Variants in SLCO3A1 observed in about 807,000 individuals in gnomAD.
The protein encoded by SLCO3A1 is solute carrier organic anion transporter family member 3A1, also known as PGE1 transporter.
SLCO3A1 carries 27 observed loss-of-function variants against 63.1 expected under a neutral mutation model. That is an observed-to-expected ratio of 0.43 (90% CI 0.32 to 0.59). The LOEUF is 0.59. Among genes scored for constraint, SLCO3A1 ranks in the 20% least tolerant of loss-of-function variants. SLCO3A1 has a pLI of 0.09. For synonymous variants in SLCO3A1, 473 were observed against 409.9 expected (o/e 1.15, Z -1.86); for missense variants, 773 against 945.8 (o/e 0.82, Z 2.40).
At chr15:92,156,519 G>C (rs2151599109) in intron 9 of SLCO3A1, among the ~76,000 whole-genome samples, 1 of 152,248 alleles carries the variant, frequency 6.6e-6, no homozygotes, top group African/African-American at 2.4e-5. Flanking sequence ...AAGCTCTCTG[G>C]GCCTTACCAA....
chr15:91,950,775 A>G lies in SLCO3A1; in HGVS notation c.646+34317A>G, dbSNP rs1296081090. On this transcript the variant is annotated intron_variant, in intron 2 of 9. Coordinates refer to ENST00000318445, the MANE Select transcript of SLCO3A1 (RefSeq NM_013272.4). The surrounding 1 kb of genome is among the most constrained non-coding windows in gnomAD (Gnocchi z 4.4). ...GATGTGTTGTTGAAAGTCTTTGGCAATGCTTAATTTTATGGTATGTGCAAT... is the reference window on the plus strand; with the variant it reads ...GATGTGTTGTTGAAAGTCTTTGGCAGTGCTTAATTTTATGGTATGTGCAAT... Among the ~76,000 whole-genome samples, 1 of 152,192 alleles carries G rather than the reference A, an allele frequency of 6.6e-6. No individual in the cohort carries two copies. Among genetic ancestry groups the G allele is most frequent in the African/African-American group, 2.4e-5 (1 of 41,448 alleles).
intron 2 of SLCO3A1, among the ~76,000 whole-genome samples, chr15:92,065,148 T>C (rs1382098887): frequency 6.6e-6 from 1 of 152,190 alleles, no homozygotes; most frequent in Non-Finnish European, 1.5e-5. Flanking sequence ...AGTGGCACGA[T>C]CTCAGCTCAC....
At chr15:91,961,706 C>T (rs1350632988) in intron 2 of SLCO3A1, among the ~76,000 whole-genome samples, 1 of 152,230 alleles carries the variant, frequency 6.6e-6, no homozygotes, top group African/African-American at 2.4e-5. Flanking sequence ...ACTCATCTGC[C>T]ACCTTTACTC....
chr15:92,126,188 C>G lies in SLCO3A1; in HGVS notation c.1302C>G (p.Cys434Trp). The part of the protein sequence containing the change: ...AMLVNLVSTA[C>W]YVSFLFLGCD... ...TCGTCAACCTGGTGTCCACTGCTTG[C>G]TACGTCTCCTTCCTCTTCCTGGGCT... is the stretch of plus-strand genomic sequence containing the variant. Residue 434 changes from cysteine to tryptophan, a missense_variant, in exon 6 of 10, where the codon TGC becomes TGG. By Grantham distance (215) the Cys-to-Trp change is radical. Around this residue, in one of 3 missense-constraint regions of SLCO3A1, gnomAD observed 565 missense variants for 749.8 expected, o/e 0.75. Coordinates refer to ENST00000318445, the MANE Select transcript of SLCO3A1 (RefSeq NM_013272.4). The G allele has an allele frequency of 6.2e-7, 1 of 1,614,024 alleles. No individual in the cohort carries two copies. The highest frequency in any genetic ancestry group is 8.5e-7 in the Non-Finnish European group (1 of 1,179,978).
rs368917821 is a variant in SLCO3A1, at chr15:92,159,775, T to C, written c.1754-2981T>C. ...ATAGGCAAGATATAATTGGCATATT[T>C]ATCACATAGCAGTATGCCCTACTTA... On this transcript the variant is annotated intron_variant, in intron 9 of 9. Coordinates refer to ENST00000318445, the MANE Select transcript of SLCO3A1 (RefSeq NM_013272.4). Among the ~76,000 whole-genome samples the C allele has an allele frequency of 6.6e-5, 10 of 152,240 alleles. No homozygotes were observed. In the East Asian group the frequency reaches 1.9e-3, roughly 30 times the overall value.
In SLCO3A1 at chr15:92,074,315, C is replaced by G. The variant is rs549813311; in HGVS notation, c.647-20566C>G. 2.0e-5 allele frequency among the ~76,000 whole-genome samples: 3 copies of G among 152,348 alleles called. No individual in the cohort carries two copies. In the South Asian group the frequency reaches 6.2e-4, roughly 32 times the overall value. ...GGAAGTCTGAGCCATTCAGTTAACA[C>G]CAACCCGAAAGATGCAGTCAGAGGC... On this transcript the variant is annotated intron_variant, in intron 2 of 9. Coordinates refer to ENST00000318445, the MANE Select transcript of SLCO3A1 (RefSeq NM_013272.4).
chr15:91,881,263 T>C (rs945548655), intron 1 of SLCO3A1, among the ~76,000 whole-genome samples: 1 of 151,322 alleles, frequency 6.6e-6, no homozygotes, highest in East Asian at 1.9e-4. Flanking sequence ...TACTGATTGA[T>C]TTTCATTTCG....
At chr15:92,086,173 A>T (rs1468173967) in intron 2 of SLCO3A1, among the ~76,000 whole-genome samples, 1 of 152,174 alleles carries the variant, frequency 6.6e-6, no homozygotes, top group Non-Finnish European at 1.5e-5. Flanking sequence ...ATTGTGCATC[A>T]TTGGATTAGT....
chr15:91,957,066 T>TTA (rs1326875257), intron 2 of SLCO3A1, among the ~76,000 whole-genome samples: 2 of 4,484 alleles, frequency 4.5e-4, no homozygotes, highest in Non-Finnish European at 8.4e-4. Context: ...ATACTATATA[T>TTA]TATATATATA....
intron 2 of SLCO3A1, among the ~76,000 whole-genome samples, chr15:92,076,195 G>A (rs945774683): frequency 5.3e-5 from 8 of 152,128 alleles, no homozygotes; most frequent in Non-Finnish European, 7.4e-5. Flanking sequence ...GTTTTCCACC[G>A]TTCGTCAAAC....
intron 1 of SLCO3A1, among the ~76,000 whole-genome samples, chr15:91,864,490 C>CTTT (rs56982912): frequency 7.5e-6 from 1 of 133,726 alleles, no homozygotes; most frequent in East Asian, 2.2e-4. Flanking sequence ...AAATGTTCCT[C>CTTT]TTTTTTTTTT....
In SLCO3A1 at chr15:92,128,837, G is replaced by A. The variant is rs1229605296; in HGVS notation, c.1512+348G>A. Among the ~76,000 whole-genome samples the A allele has an allele frequency of 2.6e-5, 4 of 152,232 alleles. No individual in the cohort carries two copies. The East Asian group carries it at 7.7e-4, about 29-fold the overall frequency. On this transcript the variant is annotated intron_variant, in intron 7 of 9. Transcript: ENST00000318445. ...CCATCACCAGAAGTATGTCAAGAGA[G>A]GCTTAAAAACCATTTATCAGGAAAG...
chr15:92,162,585 A>G, intron 9 of SLCO3A1, 171 bp from the exon 10 acceptor site: 2 of 1,088,196 alleles, frequency 1.8e-6, no homozygotes, highest in South Asian at 3.5e-5. Flanking sequence ...ACCATAATAA[A>G]AAGGCAGAAC....
exon 11 of SLCO3A1, chr15:92,171,890 G>A (rs1244848891): frequency 1.1e-5 from 16 of 1,523,144 alleles, no homozygotes; most frequent in African/African-American, 4.1e-5. Context: ...TCTTCCTGGA[G>A]AGAACAGCCC....
At chr15:92,099,599 A>C (rs2047580013) in intron 3 of SLCO3A1, among the ~76,000 whole-genome samples, 1 of 151,864 alleles carries the variant, frequency 6.6e-6, no homozygotes, top group South Asian at 2.1e-4. Context: ...ATTTCCAGTG[A>C]CTTTTCATTT....
chr15:91,995,969 A>G (rs1258865682), intron 2 of SLCO3A1, among the ~76,000 whole-genome samples: 3 of 152,166 alleles, frequency 2.0e-5, no homozygotes, highest in Non-Finnish European at 4.4e-5. Context: ...TATAATAGGA[A>G]TGATTTAAGG....
rs578022307 is a variant in SLCO3A1, at chr15:91,920,951, A to T, written c.646+4493A>T. ...CTACCATACTTCCTTCTTAAGAGGGATGCCAAGGGCTGGGGAGCTCATTAC... is the reference window on the plus strand; with the variant it reads ...CTACCATACTTCCTTCTTAAGAGGGTTGCCAAGGGCTGGGGAGCTCATTAC... On this transcript the variant is annotated intron_variant, in intron 2 of 9. Transcript: ENST00000318445. Among the ~76,000 whole-genome samples, 4 of 152,156 alleles carry T rather than the reference A, an allele frequency of 2.6e-5. No individual in the cohort carries two copies. The East Asian group carries it at 5.8e-4, about 22-fold the overall frequency.
At chr15:92,017,565 G>C (rs546426909) in intron 2 of SLCO3A1, among the ~76,000 whole-genome samples, 37 of 152,248 alleles carry the variant, frequency 2.4e-4, no homozygotes, top group Admixed American at 7.9e-4. Context: ...CAGAGGACTG[G>C]AGCAGGGTTG....
chr15:92,017,854 A>C (rs2046456857), intron 2 of SLCO3A1, among the ~76,000 whole-genome samples: 1 of 152,152 alleles, frequency 6.6e-6, no homozygotes, highest in East Asian at 1.9e-4. Flanking sequence ...GCTTGGAGAC[A>C]TAGGCAGAGG....
Sources: gnomAD v4.1 joint callset for allele counts (sites outside exome capture counted in the v4.1 genomes callset) on GRCh38, gnomAD v4.1.1 for gene constraint, gnomAD v4.1.1 regional missense constraint, Gnocchi (gnomAD v3.1) non-coding constraint, MANE v1.5 for transcripts, NCBI Gene and HGNC (gene_info 2026-07-23, HGNC 2026-07-21) for gene names.